The following ARHGAP10 variants were observed in gnomAD, a reference collection of about 807,000 sequenced individuals.
The protein encoded by ARHGAP10 is rho GTPase-activating protein 10.
ARHGAP10 carries 87 observed loss-of-function variants against 108.6 expected under a neutral mutation model. That is an observed-to-expected ratio of 0.80 (90% CI 0.67 to 0.96). The LOEUF (loss-of-function observed/expected upper bound fraction) is 0.96. ARHGAP10 is among the 40% of genes least tolerant of loss of function. The pLI, the probability that ARHGAP10 is intolerant of heterozygous loss-of-function variation, is 0.00. For missense variants in ARHGAP10, 939 were observed against 954.5 expected (o/e 0.98, Z 0.21); for synonymous variants, 347 against 341.1 (o/e 1.02, Z -0.19).
chr4:147,930,216 C>T (rs900879634), intron 13 of ARHGAP10, among the ~76,000 whole-genome samples: 1 of 152,146 alleles, frequency 6.6e-6, no homozygotes, highest in Non-Finnish European at 1.5e-5. Flanking sequence ...CATACGGCTG[C>T]AAAATCCTTT....
At chr4:147,943,418 T>C (rs988558842) in intron 14 of ARHGAP10, among the ~76,000 whole-genome samples, 1 of 152,252 alleles carries the variant, frequency 6.6e-6, no homozygotes, top group Non-Finnish European at 1.5e-5. Context: ...CTGAAAAGTA[T>C]AAAACATATT....
chr4:147,864,620 G>T, intron 5 of ARHGAP10: 1 of 443,412 alleles, frequency 2.3e-6, no homozygotes, highest in South Asian at 3.2e-5. Flanking sequence ...TTAGACTTCT[G>T]TGGACCATAA....
At chr4:147,839,915 C>T (rs1733343175) in intron 3 of ARHGAP10, among the ~76,000 whole-genome samples, 1 of 152,208 alleles carries the variant, frequency 6.6e-6, no homozygotes, top group Non-Finnish European at 1.5e-5. Flanking sequence ...CACACTGTTA[C>T]ATAATACTCT....
At chr4:147,944,392 G>A (rs1738290373) in intron 14 of ARHGAP10, among the ~76,000 whole-genome samples, 2 of 152,162 alleles carry the variant, frequency 1.3e-5, no homozygotes, top group East Asian at 1.9e-4. Context: ...AAATGTTGAA[G>A]TGCTTTAAAA....
intron 19 of ARHGAP10, among the ~76,000 whole-genome samples, chr4:148,033,633 G>A (rs1212456267): frequency 6.6e-6 from 1 of 152,096 alleles, no homozygotes; most frequent in Non-Finnish European, 1.5e-5. Flanking sequence ...ACATTTATAT[G>A]TGTTTAGTTT....
chr4:147,921,195 G>A (rs996599205), intron 13 of ARHGAP10, among the ~76,000 whole-genome samples: 1 of 152,230 alleles, frequency 6.6e-6, no homozygotes, highest in Non-Finnish European at 1.5e-5. Flanking sequence ...ACATTTAGCA[G>A]TTGGTTGTAT....
chr4:147,867,450 G>A (rs1204727638), intron 7 of ARHGAP10, among the ~76,000 whole-genome samples: 1 of 152,122 alleles, frequency 6.6e-6, no homozygotes, highest in African/African-American at 2.4e-5. Context: ...TGTAATTTGA[G>A]GTCTCATTAG....
At chr4:147,956,896 C>T (rs538608293) in intron 16 of ARHGAP10, among the ~76,000 whole-genome samples, 1 of 152,150 alleles carries the variant, frequency 6.6e-6, no homozygotes, top group African/African-American at 2.4e-5. Flanking sequence ...ATTTGAATAT[C>T]AGTGTGTTTT....
chr4:147,916,364 AT>A (rs1342754725), intron 13 of ARHGAP10, among the ~76,000 whole-genome samples: 1 of 152,184 alleles, frequency 6.6e-6, no homozygotes, highest in East Asian at 1.9e-4. Context: ...AATACTTACT[AT>A]TTTATGGCAT....
chr4:147,829,478 C>T (rs7672409), intron 3 of ARHGAP10, among the ~76,000 whole-genome samples: 109,784 of 152,044 alleles, frequency 0.72, 44,881 homozygotes, highest in Non-Finnish European at 0.91. Flanking sequence ...TGTGAGCCAC[C>T]GCGCCCGGCC....
Position 148,072,192 on chromosome 4 carries a change from T to G in ARHGAP10, c.*111T>G. 3 of 889,820 alleles carry G rather than the reference T, an allele frequency of 3.4e-6. No homozygotes were observed. Among genetic ancestry groups the G allele is most frequent in the Non-Finnish European group, 5.0e-6 (3 of 594,204 alleles). The allele number at this position is 889,820 out of a possible 1,614,324, so 55.1% of individuals were successfully genotyped here. On this transcript the variant is annotated 3_prime_UTR_variant, in exon 23 of 23. Transcript: ENST00000336498. ...GCTGCACCCACAGGTACCTCCACACTTGGGAGTTACCATCATCACAGTCAG... is the reference window on the plus strand; with the variant it reads ...GCTGCACCCACAGGTACCTCCACACGTGGGAGTTACCATCATCACAGTCAG...
intron 4 of ARHGAP10, among the ~76,000 whole-genome samples, chr4:147,847,698 C>T (rs1438638997): frequency 6.6e-6 from 1 of 152,112 alleles, no homozygotes; most frequent in Non-Finnish European, 1.5e-5. Flanking sequence ...CTATTATGTG[C>T]AAGTATTGTT....
At chr4:147,896,686 T>C (rs1042089902) in intron 10 of ARHGAP10, among the ~76,000 whole-genome samples, 5 of 152,130 alleles carry the variant, frequency 3.3e-5, no homozygotes, top group Non-Finnish European at 5.9e-5. Flanking sequence ...AATTTTTCTT[T>C]TCATTCCCTA....
In ARHGAP10 at chr4:147,971,276, G is replaced by A. The variant is rs1483223948; in HGVS notation, c.1716+4437G>A. ...TTGCATAAGTTCTGTTCTTAACAGA[G>A]TATACTTGTTATGCATTAATTTGGT... On this transcript the variant is annotated intron_variant, in intron 18 of 22. Coordinates refer to ENST00000336498, the MANE Select transcript of ARHGAP10 (RefSeq NM_024605.4). Among the ~76,000 whole-genome samples the A allele has an allele frequency of 3.9e-5, 6 of 152,250 alleles. No homozygotes were observed. In the East Asian group the frequency reaches 1.2e-3, roughly 29 times the overall value.
intron 22 of ARHGAP10, among the ~76,000 whole-genome samples, chr4:148,068,053 G>A (rs1028893347): frequency 6.6e-6 from 1 of 152,056 alleles, no homozygotes; most frequent in African/African-American, 2.4e-5. Flanking sequence ...GTGATGGCCA[G>A]AGGGACCTTT....
chr4:147,928,743 G>A (rs1027101420), intron 13 of ARHGAP10, among the ~76,000 whole-genome samples: 1 of 152,134 alleles, frequency 6.6e-6, no homozygotes, highest in Non-Finnish European at 1.5e-5. Flanking sequence ...TATGAAAATG[G>A]GCTTATAGAT....
chr4:147,915,818 G>A (rs1249263757), intron 13 of ARHGAP10, among the ~76,000 whole-genome samples: 2 of 152,132 alleles, frequency 1.3e-5, no homozygotes, highest in Admixed American at 6.5e-5. Context: ...AAAATGATGA[G>A]GACAGCTGGG....
intron 18 of ARHGAP10, among the ~76,000 whole-genome samples, chr4:147,977,621 A>G (rs942510439): frequency 6.6e-6 from 1 of 152,112 alleles, no homozygotes; most frequent in Non-Finnish European, 1.5e-5. Context: ...GAATTCCTGG[A>G]GTTGAAATCT....
chr4:147,876,776 A>G (rs1158446589), intron 8 of ARHGAP10, among the ~76,000 whole-genome samples: 1 of 152,202 alleles, frequency 6.6e-6, no homozygotes, highest in East Asian at 1.9e-4. Flanking sequence ...TTCTTTCCTC[A>G]TTTACTGTAT....
Sources: gnomAD v4.1 joint callset for allele counts (sites outside exome capture counted in the v4.1 genomes callset) on GRCh38, gnomAD v4.1.1 for gene constraint, MANE v1.5 for transcripts, NCBI Gene and HGNC (gene_info 2026-07-23, HGNC 2026-07-21) for gene names.